The following POLI variants were observed in gnomAD, a reference collection of about 807,000 sequenced individuals.
The protein encoded by POLI is DNA polymerase iota.
In POLI, 58 loss-of-function variants were observed where a neutral mutation model predicts 51.6. The ratio of observed to expected loss-of-function variants is 1.12; its 90% confidence interval spans 0.91 to 1.40. POLI has a LOEUF of 1.40. POLI is among the 40% of genes most tolerant of loss of function. The probability of loss-of-function intolerance (pLI) is 0.00; values close to 1 mark genes in which losing one functional copy is unlikely to be tolerated. For synonymous variants in POLI, 322 were observed against 299.7 expected (o/e 1.07, Z -0.77); for missense variants, 921 against 871.3 (o/e 1.06, Z -0.72).
At chr18:54,316,007 C>T (rs1025712606) in intron 3 of POLI, among the ~76,000 whole-genome samples, 1 of 152,056 alleles carries the variant, frequency 6.6e-6, no homozygotes, top group Non-Finnish European at 1.5e-5. Context: ...GCTTGAACTC[C>T]TAGGCTCATG....
chr18:54,314,649 A>G (rs984664432), intron 3 of POLI, among the ~76,000 whole-genome samples: 2 of 152,064 alleles, frequency 1.3e-5, no homozygotes, highest in African/African-American at 4.8e-5. Flanking sequence ...TGGACTCATT[A>G]GTGGTCAGTT....
chr18:54,305,360 C>T (rs1209380848), intron 3 of POLI, among the ~76,000 whole-genome samples: 4 of 152,002 alleles, frequency 2.6e-5, no homozygotes, highest in Non-Finnish European at 5.9e-5. Context: ...GGCAGTATGG[C>T]CATTTTCACG....
In POLI at chr18:54,293,946, G is replaced by A. The variant is rs762173259; in HGVS notation, c.1702G>A (p.Val568Ile). 9 of 1,612,552 alleles carry A rather than the reference G, an allele frequency of 5.6e-6. No individual in the cohort carries two copies. The highest frequency in any genetic ancestry group is 2.2e-5 in the East Asian group (1 of 44,842). Reference sequence around the variant, plus strand: ...TTGTCCATTACATGCCTCTAGAGGAGTATTATCTTTCTTTTCTAAAAAACA... The same window carrying A: ...TTGTCCATTACATGCCTCTAGAGGAATATTATCTTTCTTTTCTAAAAAACA... Reference protein sequence around the residue: ...VSCPLHASRGVLSFFSKKQMQ... With the variant: ...VSCPLHASRGILSFFSKKQMQ... The change falls in exon 10 of 10, where the codon GTA becomes ATA. Residue 568 changes from valine (V) to isoleucine (I), a missense_variant. Coordinates refer to ENST00000579534, the MANE Select transcript of POLI (RefSeq NM_007195.3).
intron 8 of POLI, among the ~76,000 whole-genome samples, chr18:54,290,305 C>T (rs1450598886): frequency 2.0e-5 from 3 of 151,954 alleles, no homozygotes; most frequent in South Asian, 2.1e-4. Flanking sequence ...GTTAGAATGG[C>T]GATCATTAAA....
At chr18:54,276,994 TTATTAGTCTCAATGTTAA>T (rs2087274033) in intron 3 of POLI, among the ~76,000 whole-genome samples, 2 of 152,344 alleles carry the variant, frequency 1.3e-5, no homozygotes, top group South Asian at 4.1e-4. Flanking sequence ...GATTTTAAAG[TTATTAGTCTCAATGTTAA>T]TATATGAAAA....
At chr18:54,312,702 A>G (rs1459019507) in intron 3 of POLI, among the ~76,000 whole-genome samples, 1 of 152,052 alleles carries the variant, frequency 6.6e-6, no homozygotes, top group Non-Finnish European at 1.5e-5. Flanking sequence ...TTTCTCTGAT[A>G]ATTAGTGATA....
chr18:54,282,566 G>A (rs1291111120), intron 5 of POLI, among the ~76,000 whole-genome samples: 1 of 151,898 alleles, frequency 6.6e-6, no homozygotes, highest in Non-Finnish European at 1.5e-5. Context: ...TATTATTATT[G>A]TTAATCTCTT....
intron 3 of POLI, among the ~76,000 whole-genome samples, chr18:54,306,860 G>A (rs1458500026): frequency 6.6e-6 from 1 of 152,140 alleles, no homozygotes; most frequent in Non-Finnish European, 1.5e-5. Context: ...GTTTATTTGT[G>A]TAGAGGTGTT....
In POLI at chr18:54,313,632, A is replaced by T. The variant is rs2088697570; in HGVS notation, c.334-6641A>T. ...ATTTGTGTCATCTCTGATTTCTTTG[A>T]ACAGTGTTTTGTAATTCTCATTGTA... On this transcript the variant is annotated intron_variant, in intron 3 of 4. Coordinates refer to the POLI transcript ENST00000579823. Among the ~76,000 whole-genome samples, 3 of 152,120 alleles carry T rather than the reference A, an allele frequency of 2.0e-5. No individual in the cohort carries two copies. The South Asian group carries it at 6.2e-4, about 31-fold the overall frequency.
intron 3 of POLI, among the ~76,000 whole-genome samples, chr18:54,305,309 G>C (rs1206946099): frequency 6.6e-6 from 1 of 152,110 alleles, no homozygotes; most frequent in Non-Finnish European, 1.5e-5. Context: ...AAAGTCATTG[G>C]TAGCTTGATG....
chr18:54,301,716 C>G (rs1455738769), downstream of POLI, among the ~76,000 whole-genome samples: 1 of 152,172 alleles, frequency 6.6e-6, no homozygotes, highest in Non-Finnish European at 1.5e-5. Context: ...TTCACAGAGA[C>G]TGCTGGGCTC....
Position 54,293,959 on chromosome 18 carries a change from T to C in POLI, c.1715T>C (p.Phe572Ser), listed in dbSNP as rs765990972. ...LHASRGVLSF[F>S]SKKQMQDIPI... ...GCCTCTAGAGGAGTATTATCTTTCT[T>C]TTCTAAAAAACAAATGCAAGATATT... The change falls in exon 10 of 10, where the codon TTT (phenylalanine) becomes TCT (serine). Residue 572 changes from phenylalanine to serine, a missense_variant. Transcript: ENST00000579534. The C allele has an allele frequency of 2.7e-5, 44 of 1,612,852 alleles. No homozygotes were observed. Among genetic ancestry groups the C allele is most frequent in the Non-Finnish European group, 3.6e-5 (43 of 1,179,218 alleles).
At chr18:54,275,681 A>G (rs2087209741) in intron 3 of POLI, among the ~76,000 whole-genome samples, 1 of 152,198 alleles carries the variant, frequency 6.6e-6, no homozygotes, top group African/African-American at 2.4e-5. Context: ...TCCATGAGTA[A>G]GGTTGAGTAT....
intron 3 of POLI, 91 bp downstream of exon 3, chr18:54,274,181 TAA>T (rs2087136665): frequency 1.3e-5 from 8 of 595,606 alleles, no homozygotes; most frequent in South Asian, 7.5e-5. Flanking sequence ...TAAAATAACA[TAA>T]GTCAAGATGC....
chr18:54,278,285 G>A (rs2087341670), intron 4 of POLI, among the ~76,000 whole-genome samples: 1 of 152,162 alleles, frequency 6.6e-6, no homozygotes, highest in South Asian at 2.1e-4. Flanking sequence ...AACAGAGCAA[G>A]ATCCCATCTC....
intron 2 of POLI, among the ~76,000 whole-genome samples, chr18:54,273,687 A>G (rs1161907480): frequency 6.6e-6 from 1 of 152,108 alleles, no homozygotes; most frequent in African/African-American, 2.4e-5. Flanking sequence ...AAAGTGGGGT[A>G]TGGAAAAATA....
chr18:54,273,939 A>G lies in POLI; in HGVS notation c.255A>G (p.Lys85=). The G allele has an allele frequency of 1.9e-6, 3 of 1,541,248 alleles. No individual in the cohort carries two copies. The highest frequency in any genetic ancestry group is 2.6e-6 in the Non-Finnish European group (3 of 1,145,610). The change falls in exon 3 of 10, where the codon AAA becomes AAG. Residue 85 remains lysine, a synonymous_variant. Coordinates refer to ENST00000579534, the MANE Select transcript of POLI (RefSeq NM_007195.3). ...LKDKPLGVQQ[K]YLVVTCNYEA... ...TATTTTTTACAGGGGTTCAACAGAA[A>G]TATTTGGTGGTTACCTGCAACTATG... is the stretch of plus-strand genomic sequence containing the variant.
At position 54,297,195 on chromosome 18, in the gene POLI, A is replaced by G. The variant is rs1246507888; in HGVS notation, c.*2728A>G. The G allele has an allele frequency of 1.4e-5, 14 of 985,220 alleles. No homozygotes were observed. In the East Asian group the frequency reaches 1.2e-3, roughly 88 times the overall value. The allele number at this position is 985,220 out of a possible 1,614,324, so 61.0% of individuals were successfully genotyped here. A position where few individuals can be genotyped will look rare whatever the true frequency, so the allele number is the denominator to read the frequency against. On this transcript the variant is annotated 3_prime_UTR_variant, in exon 10 of 10. Coordinates refer to ENST00000579534, the MANE Select transcript of POLI (RefSeq NM_007195.3). ...AACTAACAGGCAGATGCTGTTAGCT[A>G]TCTGCCTCCAGGGATAAACCCCATC...
At chr18:54,316,999 C>G (rs764850946) in intron 3 of POLI, among the ~76,000 whole-genome samples, 34 of 152,154 alleles carry the variant, frequency 2.2e-4, no homozygotes, top group Non-Finnish European at 2.2e-4. Flanking sequence ...TTTGGTTATA[C>G]TATCTGAGAT....
Sources: allele counts gnomAD v4.1 joint callset (sites outside exome capture counted in the v4.1 genomes callset), GRCh38; gene constraint gnomAD v4.1.1; transcripts MANE v1.5; gene names NCBI Gene and HGNC (gene_info 2026-07-23, HGNC 2026-07-21).